ATXN3: variants seen among roughly 807,000 people sequenced by gnomAD.
The protein encoded by ATXN3 is ataxin-3.
In ATXN3, 28 loss-of-function variants were observed where a neutral mutation model predicts 58.2. The ratio of observed to expected loss-of-function variants is 0.48; its 90% confidence interval spans 0.36 to 0.66. ATXN3 has a LOEUF of 0.66. Ranked by LOEUF, ATXN3 falls within the 30% of genes least tolerant of loss-of-function variation. The probability of loss-of-function intolerance (pLI) is 0.00; values close to 1 mark genes in which losing one functional copy is unlikely to be tolerated. For missense variants in ATXN3, 321 were observed against 422.1 expected (o/e 0.76, Z 2.10); for synonymous variants, 113 against 138.5 (o/e 0.82, Z 1.29).
In ATXN3 at chr14:92,060,261, TATA is replaced by T. The variant is rs1566893837; in HGVS notation, c.*4056_*4058del. The T allele has an allele frequency of 8.6e-6, 1 of 116,280 alleles. No individual in the cohort carries two copies. The highest frequency in any genetic ancestry group is 1.8e-5 in the Non-Finnish European group (1 of 54,748). 7.2% of individuals were successfully genotyped at this position (116,280 alleles called of 1,614,324 possible). A position where few individuals can be genotyped will look rare whatever the true frequency, so the allele number is the denominator to read the frequency against. On this transcript the variant is annotated 3_prime_UTR_variant, in exon 11 of 11. Transcript: ENST00000644486. ...ATATATATACACACATATATATATA[TATA>T]TATATATTTTTTTTTTTCAGAAACA...
At chr14:92,050,812 G>A (rs749851188), upstream of ATXN3, among the ~76,000 whole-genome samples, 1 of 152,098 alleles carries the variant, frequency 6.6e-6, no homozygotes, top group Non-Finnish European at 1.5e-5. Context: ...CACCACACCC[G>A]GCTAATTTTT....
chr14:92,088,763 G>T lies in ATXN3; in HGVS notation c.442C>A (p.Leu148Ile), dbSNP rs1164718952. Residue 148 changes from leucine to isoleucine, a missense_variant, in exon 6 of 11, where the codon CTT becomes ATT. Coordinates refer to ENST00000644486, the MANE Select transcript of ATXN3 (RefSeq NM_004993.6). ...TGPELISDTY[L>I]ALFLAQLQQE... The stretch of plus-strand genomic sequence containing the variant: ...TGTAATTGAGCCAAGAAAAGTGCAA[G>T]ATATGTATCTGATATTAATTCTGGA... 3.1e-6 allele frequency: 5 copies of T among 1,612,110 alleles called. No homozygotes were observed. In the South Asian group the frequency reaches 5.5e-5, roughly 18 times the overall value.
In ATXN3 at chr14:92,062,260, A is replaced by AC. The variant is rs1566900156; in HGVS notation, c.*2059_*2060insG. The AC allele has an allele frequency of 6.6e-6, 1 of 152,194 alleles. No individual in the cohort carries two copies. Among genetic ancestry groups the AC allele is most frequent in the African/African-American group, 2.4e-5 (1 of 41,438 alleles). 9.4% of individuals were successfully genotyped at this position (152,194 alleles called of 1,614,324 possible). On this transcript the variant is annotated 3_prime_UTR_variant, in exon 11 of 11. Transcript: ENST00000644486. Reference sequence around the variant, plus strand: ...AGACATAGCAAGACTCCGTCTCAAAAAAAAACAAAAACAAAAACAAAAACT... The same window carrying AC: ...AGACATAGCAAGACTCCGTCTCAAAACAAAAACAAAAACAAAAACAAAAACT...
chr14:92,096,747 T>A lies in ATXN3; in HGVS notation c.116A>T (p.Gln39Leu). ...SPVELSSIAH[Q>L]LDEEERMRMA... is the part of the protein sequence containing the mutation. Reference sequence around the variant, plus strand: ...TCTCATCCTCTCCTCCTCATCCAGCTGATGTGCAATTGAGGATAATTCCAC... The same window carrying A: ...TCTCATCCTCTCCTCCTCATCCAGCAGATGTGCAATTGAGGATAATTCCAC... The change falls in exon 2 of 11, where the codon CAG becomes CTG. Residue 39 changes from glutamine (Q) to leucine (L), a missense_variant. By Grantham distance (113) the Gln-to-Leu change is moderately radical. Coordinates refer to ENST00000644486, the MANE Select transcript of ATXN3 (RefSeq NM_004993.6). 1 of 1,614,018 alleles carries A rather than the reference T, an allele frequency of 6.2e-7. No individual in the cohort carries two copies. The highest frequency in any genetic ancestry group is 1.3e-5 in the African/African-American group (1 of 75,048).
rs745628747 is a variant in ATXN3 at position 92,088,820 on chromosome 14, G to A, written c.388-3C>T. ...AAGAGAGAATTCAAGTTAAACCACTGGAAAAAAATTGTCAATATTTAAGTT... is the reference window on the plus strand; with the variant it reads ...AAGAGAGAATTCAAGTTAAACCACTAGAAAAAAATTGTCAATATTTAAGTT... On this transcript the variant is annotated splice_region_variant and splice_polypyrimidine_tract_variant and intron_variant, in intron 5 of 10. Coordinates refer to ENST00000644486, the MANE Select transcript of ATXN3 (RefSeq NM_004993.6). 69 of 1,584,120 alleles carry A rather than the reference G, an allele frequency of 4.4e-5. No individual in the cohort carries two copies. Among genetic ancestry groups the A allele is most frequent in the Non-Finnish European group, 5.4e-5 (63 of 1,156,834 alleles).
chr14:92,097,767 T>C (rs894941952), intron 1 of ATXN3, among the ~76,000 whole-genome samples: 23 of 152,000 alleles, frequency 1.5e-4, no homozygotes, highest in African/African-American at 4.8e-4. Context: ...CCTCGTGATC[T>C]GCCCACCTTG....
chr14:92,053,948 T>C (rs79089921), downstream of ATXN3, among the ~76,000 whole-genome samples: 3,949 of 151,690 alleles, frequency 0.026, 84 homozygotes, highest in Middle Eastern at 0.041. Flanking sequence ...GGTTTTTTTT[T>C]CCCCCGAGAC....
chr14:92,103,273 A>T (rs1315964367), intron 1 of ATXN3, among the ~76,000 whole-genome samples: 4 of 151,470 alleles, frequency 2.6e-5, no homozygotes, highest in Admixed American at 1.3e-4. Flanking sequence ...TGCACTTTAC[A>T]TTTTTACATG....
downstream of ATXN3, among the ~76,000 whole-genome samples, chr14:92,056,882 T>C (rs142506554): frequency 1.3e-3 from 193 of 152,282 alleles, no homozygotes; most frequent in Non-Finnish European, 2.2e-3. Context: ...TAAGGCATTC[T>C]AAGTCACAGG....
At chr14:92,081,738 AT>A (rs60560689) in intron 8 of ATXN3, among the ~76,000 whole-genome samples, 1,870 of 152,254 alleles carry the variant, frequency 0.012, 48 homozygotes, top group African/African-American at 0.042. Flanking sequence ...TTAGAAAAAA[AT>A]AAAACAAAAA....
At chr14:92,044,825 C>G (rs2057418879) in exon 3 of ATXN3, 1 of 152,200 alleles carries the variant, frequency 6.6e-6, no homozygotes, top group Non-Finnish European at 1.5e-5. Flanking sequence ...GGGGAGGATC[C>G]TGCAGGCGGA....
intron 7 of ATXN3, 48 bp downstream of exon 7, chr14:92,083,078 C>T: frequency 6.4e-7 from 1 of 1,554,812 alleles, no homozygotes; most frequent in Non-Finnish European, 8.7e-7. Flanking sequence ...ATTTAATTCT[C>T]ATAATGAAAT....
chr14:92,054,093 G>T (rs954358980), downstream of ATXN3, among the ~76,000 whole-genome samples: 1 of 152,066 alleles, frequency 6.6e-6, no homozygotes, highest in African/African-American at 2.4e-5. Flanking sequence ...CACCAACCAC[G>T]CCTGGCTAAT....
At chr14:92,056,197 T>A (rs981290255), downstream of ATXN3, among the ~76,000 whole-genome samples, 1 of 152,184 alleles carries the variant, frequency 6.6e-6, no homozygotes, top group Non-Finnish European at 1.5e-5. Context: ...AAGAGCTCCT[T>A]GGGGCCCATG....
Position 92,093,275 on chromosome 14 carries a change from T to A in ATXN3, c.364A>T (p.Thr122Ser). 6.7e-7 allele frequency: 1 copy of A among 1,494,256 alleles called. No homozygotes were observed. The highest frequency in any genetic ancestry group is 9.2e-7 in the Non-Finnish European group (1 of 1,081,270). 92.6% of individuals were successfully genotyped at this position (1,494,256 alleles called of 1,614,324 possible). A position where few individuals can be genotyped will look rare whatever the true frequency, so the allele number is the denominator to read the frequency against. The change falls in exon 5 of 11, where the codon ACA (threonine) becomes TCA (serine). Residue 122 changes from threonine to serine, a missense_variant. Physicochemically the swap from Thr to Ser is moderately conservative, Grantham distance 58 (BLOSUM62 1). This residue lies in a region of ATXN3 where 121 missense variants were observed against 198.9 expected (regional missense o/e 0.61). Coordinates refer to ENST00000644486, the MANE Select transcript of ATXN3 (RefSeq NM_004993.6). The stretch of plus-strand genomic sequence containing the variant: ...ACCTGTTTTCCTAATTTTCTAACTG[T>A]AAACCAGTGTTCCTTATAATTGCAT... ...FICNYKEHWF[T>S]VRKLGKQWFN...
intron 2 of ATXN3, among the ~76,000 whole-genome samples, chr14:92,045,113 T>C (rs1272314816): frequency 6.6e-6 from 1 of 152,218 alleles, no homozygotes. Flanking sequence ...GACTGTACCC[T>C]GTAGCTTCTC....
chr14:92,078,501 A>G (rs910635710), intron 9 of ATXN3, among the ~76,000 whole-genome samples: 4 of 151,882 alleles, frequency 2.6e-5, no homozygotes, highest in Admixed American at 2.0e-4. Flanking sequence ...AGCTGGGATT[A>G]CAAGCATGCG....
intron 10 of ATXN3, 176 bp downstream of exon 10, chr14:92,070,759 T>A: frequency 1.6e-6 from 2 of 1,282,680 alleles, no homozygotes; most frequent in Non-Finnish European, 2.0e-6. Flanking sequence ...TTTTTTTTTT[T>A]TCTTTTGGTA....
At chr14:92,083,522 T>C in intron 6 of ATXN3, 1 of 571,722 alleles carries the variant, frequency 1.7e-6, no homozygotes, top group South Asian at 1.5e-5. Flanking sequence ...AATAAATATG[T>C]CTGTAAAGGG....
Sources: allele counts gnomAD v4.1 joint callset (sites outside exome capture counted in the v4.1 genomes callset), GRCh38; gene constraint gnomAD v4.1.1; regional missense constraint gnomAD v4.1.1; transcripts MANE v1.5; gene names NCBI Gene and HGNC (gene_info 2026-07-23, HGNC 2026-07-21).